CENATAC: variants seen among roughly 807,000 people sequenced by gnomAD.
CENATAC encodes the protein centrosomal AT-AC splicing factor, also known as coiled-coil domain containing 84.
CENATAC carries 53 observed loss-of-function variants against 53.7 expected under a neutral mutation model. The ratio of observed to expected loss-of-function variants is 0.99; its 90% CI spans 0.79 to 1.24. The LOEUF is 1.24. Ranked by LOEUF, CENATAC falls within the 50% of genes most tolerant of loss-of-function variation. CENATAC has a pLI of 0.00. For synonymous variants in CENATAC, 156 were observed against 144.6 expected (o/e 1.08, Z -0.57); for missense variants, 474 against 417.8 (o/e 1.13, Z -1.17).
rs913874879 is a variant in CENATAC, at chr11:119,001,098, T to G, written c.383+1989T>G. Among the ~76,000 whole-genome samples the G allele has an allele frequency of 6.6e-5, 10 of 152,140 alleles. No individual in the cohort carries two copies. In the South Asian group the frequency reaches 1.2e-3, roughly 19 times the overall value. ...ATAGGTCCCACGTTACTATTTGAGG[T>G]TAATGGTATGACATTACTGAAAAAT... On this transcript the variant is annotated intron_variant, in intron 3 of 10. Transcript: ENST00000334418.
chr11:119,012,123 C>T (rs1565668841), intron 6 of CENATAC, 26 bp from the exon 7 acceptor site: 1 of 1,614,200 alleles, frequency 6.2e-7, no homozygotes, highest in East Asian at 2.2e-5. Flanking sequence ...AGGACCTCAT[C>T]TGGCAGCCTG....
chr11:118,999,416 TG>T, intron 3 of CENATAC: 1 of 253,256 alleles, frequency 3.9e-6, no homozygotes. Flanking sequence ...AAGAAACTGC[TG>T]CTCAGCCAGT....
rs372465090 is a variant in CENATAC at position 119,010,749 on chromosome 11, C to T, written c.384-15C>T. On this transcript the variant is annotated splice_polypyrimidine_tract_variant and intron_variant, in intron 3 of 10. Coordinates refer to ENST00000334418, the MANE Select transcript of CENATAC (RefSeq NM_198489.3). The stretch of plus-strand genomic sequence containing the variant: ...GGGAATGGGTTCTGGGTGGTTTTGC[C>T]CCTTTTCTTTTTAGATTCAAGAAAT... 15 of 1,612,888 alleles carry T rather than the reference C, an allele frequency of 9.3e-6. No individual in the cohort carries two copies. In the South Asian group the frequency reaches 1.1e-4, roughly 12 times the overall value.
intron 8 of CENATAC, among the ~76,000 whole-genome samples, chr11:119,013,787 TG>T (rs1458450628): frequency 6.6e-6 from 1 of 151,566 alleles, no homozygotes; most frequent in Non-Finnish European, 1.5e-5. Flanking sequence ...TAAATAAAGT[TG>T]GCCAAGATAA....
Position 119,012,155 on chromosome 11 carries a change from A to G in CENATAC, c.585A>G (p.Val195=). The change falls in exon 7 of 11, where the codon GTA becomes GTG. Residue 195 remains valine, a synonymous_variant. Coordinates refer to ENST00000334418, the MANE Select transcript of CENATAC (RefSeq NM_198489.3). ...CCTGGCTCATGTTTTTCAGCCAAGTAGCTTCCAGCTTACAGCAGCCCTCAA... is the reference window on the plus strand; with the variant it reads ...CCTGGCTCATGTTTTTCAGCCAAGTGGCTTCCAGCTTACAGCAGCCCTCAA... The part of the protein sequence containing the change: ...PRSWKGMNSQ[V]ASSLQQPSNL... 1.2e-6 allele frequency: 2 copies of G among 1,614,200 alleles called. No individual in the cohort carries two copies. Among genetic ancestry groups the G allele is most frequent in the South Asian group, 1.1e-5 (1 of 91,084 alleles).
chr11:119,010,556 A>G, intron 3 of CENATAC: 2 of 536,038 alleles, frequency 3.7e-6, no homozygotes, highest in Non-Finnish European at 6.7e-6. Flanking sequence ...TTGTTTTGGC[A>G]AAAAGGACGT....
intron 3 of CENATAC, among the ~76,000 whole-genome samples, chr11:119,008,610 A>T (rs914257167): frequency 9.9e-5 from 15 of 152,186 alleles, no homozygotes; most frequent in Non-Finnish European, 2.1e-4. Context: ...CAAGCAGGAG[A>T]TAGTGGCCTT....
At position 118,999,010 on chromosome 11, in the gene CENATAC, G is replaced by A. The variant is rs1173042769; in HGVS notation, c.285-1G>A. The A allele has an allele frequency of 1.9e-6, 3 of 1,610,152 alleles. No individual in the cohort carries two copies. The highest frequency in any genetic ancestry group is 4.5e-5 in the East Asian group (2 of 44,884). ...AGATTACTTATCCTCTCCATTTTCA[G>A]CCCAGAGCACAAGAAAGCAACCAAC... On this transcript the variant is annotated splice_acceptor_variant, in intron 2 of 10. Coordinates refer to ENST00000334418, the MANE Select transcript of CENATAC (RefSeq NM_198489.3). LOFTEE classifies it high-confidence loss of function.
In CENATAC at chr11:118,998,472, CG is replaced by C. The variant is rs782483168; in HGVS notation, c.164del (p.Arg55ProfsTer23). The C allele has an allele frequency of 3.1e-6, 5 of 1,613,006 alleles. No individual in the cohort carries two copies. In the Admixed American group the frequency reaches 6.7e-5, roughly 22 times the overall value. ...GGCCATCCGCGCCGCTCAGGTGGAGCGCTATGTGCCCGAACACGAGCGATGC... is the reference window on the plus strand; with the variant it reads ...GGCCATCCGCGCCGCTCAGGTGGAGCCTATGTGCCCGAACACGAGCGATGC... ...RKAIRAAQVE[R>X]YVPEHERCCW... On this transcript the variant is annotated frameshift_variant, in exon 2 of 11. Coordinates refer to ENST00000334418, the MANE Select transcript of CENATAC (RefSeq NM_198489.3). LOFTEE classifies it high-confidence loss of function.
chr11:119,014,797 C>G (rs1023658195), intron 8 of CENATAC, 197 bp from the exon 9 acceptor site: 18 of 425,436 alleles, frequency 4.2e-5, no homozygotes, highest in Non-Finnish European at 7.5e-5. Context: ...TGCCTCAAAG[C>G]CATTTTAAAA....
intron 3 of CENATAC, among the ~76,000 whole-genome samples, chr11:119,000,149 A>G (rs192276288): frequency 6.6e-6 from 1 of 152,340 alleles, no homozygotes; most frequent in African/African-American, 2.4e-5. Context: ...CCCTTCTGCT[A>G]TTTTGACATA....
intron 8 of CENATAC, among the ~76,000 whole-genome samples, chr11:119,013,883 G>A (rs1943002429): frequency 2.0e-5 from 3 of 151,886 alleles, no homozygotes; most frequent in Admixed American, 6.6e-5. Flanking sequence ...AAAAGCATAT[G>A]AATAATGTTC....
chr11:119,000,141 C>T (rs1004888526), intron 3 of CENATAC, among the ~76,000 whole-genome samples: 1 of 152,202 alleles, frequency 6.6e-6, no homozygotes, highest in Non-Finnish European at 1.5e-5. Flanking sequence ...GAAGCTGCCC[C>T]TTCTGCTATT....
chr11:119,007,216 C>T (rs988436714), intron 3 of CENATAC, among the ~76,000 whole-genome samples: 2 of 152,102 alleles, frequency 1.3e-5, no homozygotes, highest in African/African-American at 4.8e-5. Context: ...GAGAGTCTCG[C>T]TCTGTCACCC....
chr11:119,008,309 A>T (rs201157077), intron 3 of CENATAC, among the ~76,000 whole-genome samples: 1 of 149,700 alleles, frequency 6.7e-6, no homozygotes, highest in African/African-American at 2.5e-5. Flanking sequence ...TTATTTCAGC[A>T]AAAAGGAATG....
chr11:118,998,163 G>C lies in CENATAC; in HGVS notation c.-35G>C, dbSNP rs1294684779. On this transcript the variant is annotated 5_prime_UTR_variant, in exon 1 of 11. Coordinates refer to ENST00000334418, the MANE Select transcript of CENATAC (RefSeq NM_198489.3). ...AGAGGCCGCCGGATGGCGTAGGATC[G>C]GCCGCTGGTGGTGGTGATACCGGGT... 1.3e-5 allele frequency: 20 copies of C among 1,561,152 alleles called. No individual in the cohort carries two copies. In the East Asian group the frequency reaches 3.6e-4, roughly 28 times the overall value.
At chr11:119,000,057 G>A (rs1314640043) in intron 3 of CENATAC, among the ~76,000 whole-genome samples, 1 of 152,216 alleles carries the variant, frequency 6.6e-6, no homozygotes, top group Non-Finnish European at 1.5e-5. Context: ...GGTTATAGAC[G>A]TGAGCCACCA....
chr11:119,014,958 T>TTAA, intron 8 of CENATAC, 36 bp from the exon 9 acceptor site: 1 of 1,169,130 alleles, frequency 8.6e-7, no homozygotes, highest in Non-Finnish European at 1.2e-6. Flanking sequence ...CCTGAAGACT[T>TTAA]AAAAAAAAAA....
At chr11:119,006,238 C>CTTT (rs369673711) in intron 3 of CENATAC, among the ~76,000 whole-genome samples, 1 of 126,982 alleles carries the variant, frequency 7.9e-6, no homozygotes, top group African/African-American at 3.0e-5. Context: ...CACACCCAAC[C>CTTT]TTTTTTTTTT....
Sources: gnomAD v4.1 joint callset for allele counts (sites outside exome capture counted in the v4.1 genomes callset) on GRCh38, gnomAD v4.1.1 for gene constraint, MANE v1.5 for transcripts, NCBI Gene and HGNC (gene_info 2026-07-23, HGNC 2026-07-21) for gene names.